The following CCNB3 variants were observed in gnomAD, a reference collection of about 807,000 sequenced individuals.
The protein encoded by CCNB3 is G2/mitotic-specific cyclin-B3.
In CCNB3, 12 loss-of-function variants were observed where a neutral mutation model predicts 68.0. That is an observed-to-expected ratio of 0.18 (90% CI 0.11 to 0.29). The LOEUF is 0.29. Among genes scored for constraint, CCNB3 ranks in the 10% least tolerant of loss-of-function variants. The pLI, the probability that CCNB3 is intolerant of heterozygous loss-of-function variation, is 1.00. For synonymous variants in CCNB3, 354 were observed against 388.9 expected (o/e 0.91, Z 1.06); for missense variants, 904 against 993.1 (o/e 0.91, Z 1.21).
rs1455468398 is a variant in CCNB3, at chrX:50,309,406, C to T, written c.1237C>T (p.Leu413Phe). Residue 413 changes from leucine to phenylalanine, a missense_variant, in exon 6 of 13, where the codon CTC becomes TTC. Physicochemically the swap from Leu to Phe is conservative, Grantham distance 22. Transcript: ENST00000376042. ...LQEITSGEKS[L>F]IMKPLSIKEK... ...GGAGATCACCTCTGGAGAGAAGTCG[C>T]TCATTATGAAGCCATTGTCCATTAA... is the stretch of plus-strand genomic sequence containing the variant. The T allele has an allele frequency of 8.3e-7, 1 of 1,211,495 alleles. No individual in the cohort carries two copies. Among genetic ancestry groups the T allele is most frequent in the African/African-American group, 1.7e-5 (1 of 57,701 alleles).
intron 1 of CCNB3, among the ~76,000 whole-genome samples, chrX:50,227,961 A>C (rs1451306591): frequency 1.2e-5 from 1 of 83,873 alleles, no homozygotes; most frequent in Non-Finnish European, 2.2e-5. Context: ...GAGAATATAT[A>C]TATAAATATA....
intron 1 of CCNB3, among the ~76,000 whole-genome samples, chrX:50,280,841 C>T (rs1301960209): frequency 9.0e-6 from 1 of 110,755 alleles, no homozygotes; most frequent in Admixed American, 9.7e-5. Flanking sequence ...CTCACTGCAA[C>T]TTCTGCCTCC....
chrX:50,214,872 GTGT>G (rs1413545166), intron 1 of CCNB3, among the ~76,000 whole-genome samples: 2 of 104,838 alleles, frequency 1.9e-5, no homozygotes, highest in African/African-American at 6.9e-5. Flanking sequence ...AAATTTTGAT[GTGT>G]TGTATTTTCG....
chrX:50,226,047 A>AAATATATATAGAATATATACG (rs1273129349), intron 1 of CCNB3, among the ~76,000 whole-genome samples: 8 of 91,120 alleles, frequency 8.8e-5, no homozygotes, highest in African/African-American at 1.2e-4. Context: ...ATATATATAC[A>AAATATATATAGAATATATACG]AATATATATA....
chrX:50,279,911 A>G (rs1936080818), intron 1 of CCNB3, among the ~76,000 whole-genome samples: 1 of 87,344 alleles, frequency 1.1e-5, no homozygotes, highest in Non-Finnish European at 2.1e-5. Context: ...GTATATATAT[A>G]AAAATATATA....
chrX:50,324,890 C>G (rs1241971409), intron 8 of CCNB3, among the ~76,000 whole-genome samples: 1 of 110,889 alleles, frequency 9.0e-6, no homozygotes, highest in African/African-American at 3.3e-5. Flanking sequence ...TTTTTTAGTG[C>G]TTAACATTTT....
intron 4 of CCNB3, among the ~76,000 whole-genome samples, chrX:50,291,336 C>T (rs1412235254): frequency 9.0e-6 from 1 of 111,325 alleles, no homozygotes; most frequent in Non-Finnish European, 1.9e-5. Flanking sequence ...TAAAGTCTTG[C>T]TCTTCTGCCC....
chrX:50,329,093 A>G (rs2147084787), intron 8 of CCNB3, among the ~76,000 whole-genome samples: 1 of 111,952 alleles, frequency 8.9e-6, no homozygotes, highest in Admixed American at 9.4e-5. Flanking sequence ...AGCTTCTCTC[A>G]TGGGCTGGAG....
chrX:50,323,464 G>GC (rs1161326318), intron 8 of CCNB3, among the ~76,000 whole-genome samples: 9 of 109,924 alleles, frequency 8.2e-5, no homozygotes, highest in East Asian at 2.9e-4. Context: ...TATACCTAAT[G>GC]TAAATGATGA....
Position 50,217,389 on chromosome X carries a change from T to C in CCNB3, c.-113+12439T>C, listed in dbSNP as rs1010694329. On this transcript the variant is annotated intron_variant, in intron 1 of 12. Transcript: ENST00000376042. ...CCCAGTTCGCGCCATTCTCCTGCCT[T>C]AGCCTCCTGAGTAGCTGGGACTACA... 4.5e-4 allele frequency among the ~76,000 whole-genome samples: 48 copies of C among 105,738 alleles called. 4 individuals are homozygous for C. The East Asian group carries it at 0.015, about 32-fold the overall frequency. The allele number at this position is 105,738 out of a possible 115,157, so 91.8% of individuals were successfully genotyped here. A position where few individuals can be genotyped will look rare whatever the true frequency, so the allele number is the denominator to read the frequency against.
chrX:50,349,087 T>C (rs1923545725), intron 11 of CCNB3, among the ~76,000 whole-genome samples: 1 of 113,020 alleles, frequency 8.8e-6, no homozygotes, highest in Admixed American at 9.3e-5. Flanking sequence ...GTTAGTATAC[T>C]GCCTCTCCTA....
In CCNB3 at chrX:50,288,748, G is replaced by A. The variant is rs1467687754; in HGVS notation, c.97-32G>A. On this transcript the variant is annotated intron_variant, in intron 3 of 12. Coordinates refer to ENST00000376042, the MANE Select transcript of CCNB3 (RefSeq NM_033031.3). ...TCCCTGAAGAGACTGTTCACAATTGGATATACTCATTTACCTCTTTTACTT... is the reference window on the plus strand; with the variant it reads ...TCCCTGAAGAGACTGTTCACAATTGAATATACTCATTTACCTCTTTTACTT... The A allele has an allele frequency of 2.8e-6, 3 of 1,067,613 alleles. No homozygotes were observed. In the African/African-American group the frequency reaches 5.5e-5, roughly 20 times the overall value. The allele number at this position is 1,067,613 out of a possible 1,213,427, so 88.0% of individuals were successfully genotyped here.
intron 5 of CCNB3, among the ~76,000 whole-genome samples, chrX:50,302,995 G>T (rs1430210096): frequency 9.0e-6 from 1 of 111,031 alleles, no homozygotes; most frequent in Non-Finnish European, 1.9e-5. Flanking sequence ...TGGTTGCTGG[G>T]TCATATGGTA....
At chrX:50,287,513 T>A (rs782481903) in intron 3 of CCNB3, among the ~76,000 whole-genome samples, 1 of 112,205 alleles carries the variant, frequency 8.9e-6, no homozygotes, top group South Asian at 3.7e-4. Flanking sequence ...AAACATGTAT[T>A]GTCTTATTTA....
intron 8 of CCNB3, among the ~76,000 whole-genome samples, chrX:50,334,812 C>T (rs1365153068): frequency 8.9e-6 from 1 of 112,307 alleles, no homozygotes; most frequent in Admixed American, 9.4e-5. Context: ...GTTTGGCTAG[C>T]ACTGCAAAGT....
chrX:50,290,899 T>C (rs1264224729), intron 4 of CCNB3, among the ~76,000 whole-genome samples: 1 of 111,897 alleles, frequency 8.9e-6, no homozygotes, highest in East Asian at 2.8e-4. Flanking sequence ...GTTCCATCAT[T>C]ACAATGTACC....
chrX:50,316,199 C>T (rs1439430263), intron 8 of CCNB3, among the ~76,000 whole-genome samples: 1 of 111,317 alleles, frequency 9.0e-6, no homozygotes, highest in Non-Finnish European at 1.9e-5. Context: ...TGCCTGCCTC[C>T]GTGTAAGATG....
rs184108075 is a variant in CCNB3 at position 50,281,222 on chromosome X, G to A, written c.-112-3320G>A. Among the ~76,000 whole-genome samples the A allele has an allele frequency of 3.8e-3, 427 of 111,527 alleles. 3 individuals carry two copies. Among genetic ancestry groups the A allele is most frequent in the African/African-American group, 0.013 (404 of 30,774 alleles). On this transcript the variant is annotated intron_variant, in intron 1 of 12. Transcript: ENST00000376042. The stretch of plus-strand genomic sequence containing the variant: ...CCTTCCTGTTAGGCTTTCGCGTGTC[G>A]CAGCTGTGCACGCTGATTGGTCCTC...
intron 4 of CCNB3, among the ~76,000 whole-genome samples, chrX:50,290,031 T>C (rs782418227): frequency 8.9e-6 from 1 of 111,777 alleles, no homozygotes. Flanking sequence ...ACACACACAC[T>C]TGTAAGGTTA....
Sources: allele counts gnomAD v4.1 joint callset (sites outside exome capture counted in the v4.1 genomes callset), GRCh38; gene constraint gnomAD v4.1.1; transcripts MANE v1.5; gene names NCBI Gene and HGNC (gene_info 2026-07-23, HGNC 2026-07-21).